LRBA: variants seen among roughly 807,000 people sequenced by gnomAD.
LRBA encodes LPS responsive beige-like anchor protein.
LRBA carries 176 observed loss-of-function variants against 330.0 expected under a neutral mutation model. That is an observed-to-expected ratio of 0.53 (90% CI 0.47 to 0.60). The LOEUF is 0.60. Ranked by LOEUF, LRBA falls within the 20% of genes least tolerant of loss-of-function variation. The pLI is 0.00. For missense variants in LRBA, 3,259 were observed against 3,444.8 expected (o/e 0.95, Z 1.35); for synonymous variants, 1,230 against 1,193.0 (o/e 1.03, Z -0.64).
chr4:151,011,022 C>T (rs1158970177), intron 2 of LRBA, among the ~76,000 whole-genome samples: 1 of 151,914 alleles, frequency 6.6e-6, no homozygotes, highest in Non-Finnish European at 1.5e-5. Context: ...CCCGTCTCTA[C>T]TAAAAATACA....
rs1415380326 is a variant in LRBA at position 150,828,502 on chromosome 4, T to C, written c.4849A>G (p.Ser1617Gly). 4 of 1,613,998 alleles carry C rather than the reference T, an allele frequency of 2.5e-6. No homozygotes were observed. The highest frequency in any genetic ancestry group is 3.3e-5 in the Admixed American group (2 of 60,002). ...IGEETATGLG[S>G]HVEVTPHTAP... ...GTGTGAGGAGTTACTTCCACATGGC[T>C]TCCTAAACCAGTGGCTGTTTCTTCC... The change falls in exon 30 of 57, where the codon AGC becomes GGC. Residue 1617 changes from serine (S) to glycine (G), a missense_variant. By Grantham distance (56) the Ser-to-Gly change is moderately conservative (BLOSUM62 0). Coordinates refer to ENST00000651943, the MANE Select transcript of LRBA (RefSeq NM_001364905.1).
intron 47 of LRBA, among the ~76,000 whole-genome samples, chr4:150,361,232 C>G (rs1310163487): frequency 1.3e-5 from 2 of 152,124 alleles, no homozygotes; most frequent in African/African-American, 4.8e-5. Context: ...GGGTCTGACT[C>G]TTTCTGCATT....
intron 31 of LRBA, among the ~76,000 whole-genome samples, chr4:150,814,157 A>T (rs974446069): frequency 1.4e-4 from 22 of 152,144 alleles, no homozygotes; most frequent in African/African-American, 5.3e-4. Context: ...AAGTCAAAAA[A>T]TTGTTAAGAT....
chr4:151,003,396 C>CA (rs55783969), intron 2 of LRBA, among the ~76,000 whole-genome samples: 23 of 88,942 alleles, frequency 2.6e-4, no homozygotes, highest in African/African-American at 6.6e-4. Context: ...GATTCGGTTT[C>CA]AAAAAAAAAA....
intron 2 of LRBA, among the ~76,000 whole-genome samples, chr4:150,956,392 A>G (rs1045234353): frequency 6.7e-6 from 1 of 148,942 alleles, no homozygotes; most frequent in Non-Finnish European, 1.5e-5. Context: ...CTCACAAAAA[A>G]CAAAACAAAA....
At position 150,844,771 on chromosome 4, in the gene LRBA, C is replaced by T. The variant is rs1434441741; in HGVS notation, c.4348G>A (p.Val1450Ile). ...LRQCLRLVCA[V>I]AVRNCLECQQ... is the part of the protein sequence containing the mutation. ...CACTCCAAGCAATTCCTTACTGCGACTGCACAAACTGTAATTTATTTTAAG... is the reference window on the plus strand; with the variant it reads ...CACTCCAAGCAATTCCTTACTGCGATTGCACAAACTGTAATTTATTTTAAG... Residue 1450 changes from valine (V) to isoleucine (I), a missense_variant, in exon 27 of 57, where the codon GTC becomes ATC. Val to Ile is a conservative substitution (Grantham distance 29, BLOSUM62 3). Coordinates refer to ENST00000651943, the MANE Select transcript of LRBA (RefSeq NM_001364905.1). 1 of 1,609,078 alleles carries T rather than the reference C, an allele frequency of 6.2e-7. No homozygotes were observed. Among genetic ancestry groups the T allele is most frequent in the African/African-American group, 1.3e-5 (1 of 74,840 alleles).
intron 40 of LRBA, among the ~76,000 whole-genome samples, chr4:150,529,444 G>A (rs1465947355): frequency 6.6e-6 from 1 of 152,166 alleles, no homozygotes; most frequent in Non-Finnish European, 1.5e-5. Flanking sequence ...CTGGCCAGGT[G>A]TGGTGGCTCA....
intron 5 of LRBA, among the ~76,000 whole-genome samples, chr4:150,920,035 CTG>C (rs1561006687): frequency 1.3e-5 from 2 of 150,326 alleles, no homozygotes; most frequent in South Asian, 2.1e-4. Context: ...TAAGGAAAAA[CTG>C]TAAAGGAAAA....
chr4:150,448,841 G>C (rs915918147), intron 44 of LRBA, among the ~76,000 whole-genome samples: 1 of 137,634 alleles, frequency 7.3e-6, no homozygotes, highest in Non-Finnish European at 1.6e-5. Flanking sequence ...GGGTGGGCAG[G>C]AAAGAAGAAT....
chr4:150,470,210 C>T (rs1755927580), intron 43 of LRBA, among the ~76,000 whole-genome samples: 1 of 152,042 alleles, frequency 6.6e-6, no homozygotes, highest in African/African-American at 2.4e-5. Context: ...CCTGTAATTA[C>T]ATCTACAGTT....
chr4:150,902,654 T>C (rs1730867965), intron 13 of LRBA, among the ~76,000 whole-genome samples: 2 of 152,204 alleles, frequency 1.3e-5, no homozygotes, highest in African/African-American at 4.8e-5. Flanking sequence ...GCCCCTACGC[T>C]CAGGCCTGCT....
intron 2 of LRBA, among the ~76,000 whole-genome samples, chr4:150,981,202 C>T (rs947571481): frequency 6.6e-6 from 1 of 151,030 alleles, no homozygotes; most frequent in South Asian, 2.1e-4. Context: ...TCACAAGGTC[C>T]GAAGTTCGAG....
At chr4:150,735,432 G>T in intron 35 of LRBA, 66 bp from the exon 36 acceptor site, 1 of 1,051,022 alleles carries the variant, frequency 9.5e-7, no homozygotes. Context: ...ATTATTCACT[G>T]CTTACGGTGG....
chr4:150,874,548 A>G (rs763641689), intron 17 of LRBA, among the ~76,000 whole-genome samples: 20 of 152,164 alleles, frequency 1.3e-4, no homozygotes, highest in Admixed American at 9.8e-4. Flanking sequence ...TACAGCTGCA[A>G]TATCTCCTGG....
intron 34 of LRBA, among the ~76,000 whole-genome samples, chr4:150,792,835 C>T (rs1275345397): frequency 1.3e-5 from 2 of 152,134 alleles, no homozygotes; most frequent in African/African-American, 4.8e-5. Context: ...AATCCCAGCA[C>T]TTTGGGAGGC....
chr4:150,504,410 C>T (rs143284786), intron 40 of LRBA, among the ~76,000 whole-genome samples: 5,642 of 152,312 alleles, frequency 0.037, 156 homozygotes, highest in Non-Finnish European at 0.054. Context: ...AGAAACTCTA[C>T]AAGCCAGAAG....
At chr4:150,780,791 A>T (rs768737141) in intron 34 of LRBA, among the ~76,000 whole-genome samples, 7 of 151,642 alleles carry the variant, frequency 4.6e-5, no homozygotes, top group Non-Finnish European at 1.0e-4. Flanking sequence ...TTCATGGAAG[A>T]CAATTTTTCC....
chr4:150,727,066 T>TA, intron 36 of LRBA, among the ~76,000 whole-genome samples: 1 of 107,724 alleles, frequency 9.3e-6, no homozygotes, highest in East Asian at 2.5e-4. Flanking sequence ...AACATTTCGT[T>TA]GTTTTTTTTT....
At chr4:150,579,877 C>G (rs1179530054) in intron 40 of LRBA, 1 of 372,322 alleles carries the variant, frequency 2.7e-6, no homozygotes, top group East Asian at 7.4e-5. Context: ...GACGAAGCGA[C>G]CACCTCGAGA....
Sources: allele counts gnomAD v4.1 joint callset (sites outside exome capture counted in the v4.1 genomes callset), GRCh38; gene constraint gnomAD v4.1.1; transcripts MANE v1.5; gene names NCBI Gene and HGNC (gene_info 2026-07-23, HGNC 2026-07-21).